SP140L: variants seen among roughly 807,000 people sequenced by gnomAD.
SP140L encodes SP140 like nuclear body protein.
In SP140L, 64 loss-of-function variants were observed where a neutral mutation model predicts 84.3. The observed-to-expected ratio is 0.76, with a 90% CI of 0.62 to 0.94. SP140L has a LOEUF of 0.94. Ranked by LOEUF, SP140L falls within the 40% of genes least tolerant of loss-of-function variation. The pLI is 0.00. For missense variants in SP140L, 628 were observed against 692.5 expected (o/e 0.91, Z 1.05); for synonymous variants, 242 against 236.9 (o/e 1.02, Z -0.20).
intron 2 of SP140L, among the ~76,000 whole-genome samples, chr2:230,342,459 C>G (rs930963237): frequency 6.6e-6 from 1 of 152,236 alleles, no homozygotes; most frequent in Non-Finnish European, 1.5e-5. Flanking sequence ...TCTTCTGCGT[C>G]GCTCACGCTG....
At chr2:230,385,570 G>T (rs1416298738) in intron 9 of SP140L, among the ~76,000 whole-genome samples, 2 of 152,082 alleles carry the variant, frequency 1.3e-5, no homozygotes, top group African/African-American at 4.8e-5. Flanking sequence ...TAAATCATTG[G>T]CTAATTAAAA....
In SP140L at chr2:230,357,948, T is replaced by C; in HGVS notation, c.251T>C (p.Ile84Thr). The C allele has an allele frequency of 6.2e-7, 1 of 1,613,334 alleles. No homozygotes were observed. The highest frequency in any genetic ancestry group is 1.1e-5 in the South Asian group (1 of 90,990). The change falls in exon 3 of 19, where the codon ATC becomes ACC. Residue 84 changes from isoleucine to threonine, a missense_variant. Physicochemically the swap from Ile to Thr is moderately conservative, Grantham distance 89. Coordinates refer to ENST00000415673, the MANE Select transcript of SP140L (RefSeq NM_138402.6). ...GAGGGCCTCCGCGATCGGGAACTCA[T>C]CACAAATAAAATGTTTGAAGTAAGT... ...FLEGLRDREL[I>T]TNKMFEDSED...
At chr2:230,340,811 ATATTG>A (rs1446225504) in intron 2 of SP140L, among the ~76,000 whole-genome samples, 3 of 138,362 alleles carry the variant, frequency 2.2e-5, no homozygotes, top group African/African-American at 8.2e-5. Context: ...AGAATGTTGA[ATATTG>A]GCCCCCACTC....
chr2:230,368,695 A>G (rs1391806516), intron 5 of SP140L, among the ~76,000 whole-genome samples: 1 of 152,022 alleles, frequency 6.6e-6, no homozygotes, highest in Non-Finnish European at 1.5e-5. Flanking sequence ...AACCTGTCTG[A>G]GTTCAAATTC....
chr2:230,376,308 GTC>G (rs1224356188), intron 7 of SP140L, among the ~76,000 whole-genome samples: 1 of 152,134 alleles, frequency 6.6e-6, no homozygotes, highest in Non-Finnish European at 1.5e-5. Flanking sequence ...AAGTTAAAAT[GTC>G]TCTGTTTCCA....
chr2:230,373,006 C>T (rs1341576088), intron 7 of SP140L, among the ~76,000 whole-genome samples: 1 of 152,156 alleles, frequency 6.6e-6, no homozygotes, highest in Non-Finnish European at 1.5e-5. Flanking sequence ...AAATCAGCCA[C>T]AACATTCCCT....
intron 2 of SP140L, among the ~76,000 whole-genome samples, chr2:230,339,630 T>C (rs2059978045): frequency 2.1e-5 from 3 of 143,840 alleles, no homozygotes; most frequent in Admixed American, 6.9e-5. Context: ...CTTGTGGGCA[T>C]TTAGTGCTAT....
intron 14 of SP140L, among the ~76,000 whole-genome samples, chr2:230,398,733 G>A (rs1559464194): frequency 6.6e-6 from 1 of 152,228 alleles, no homozygotes; most frequent in African/African-American, 2.4e-5. Flanking sequence ...AAATATAAAA[G>A]TAGAAGTAGC....
intron 7 of SP140L, chr2:230,372,050 G>A (rs2061093297): frequency 4.8e-6 from 1 of 208,040 alleles, no homozygotes; most frequent in African/African-American, 2.4e-5. Context: ...GAATGTGGAT[G>A]ACCTCTAGAA....
intron 2 of SP140L, among the ~76,000 whole-genome samples, chr2:230,334,814 G>A (rs1279780629): frequency 6.6e-6 from 1 of 152,104 alleles, no homozygotes; most frequent in African/African-American, 2.4e-5. Flanking sequence ...ACCAATGTCT[G>A]TGTGTAGGTG....
At chr2:230,383,645 G>A (rs1260343220) in intron 8 of SP140L, 70 bp downstream of exon 8, 46 of 1,476,134 alleles carry the variant, frequency 3.1e-5, no homozygotes, top group Non-Finnish European at 4.0e-5. Context: ...ATTCTGGAAG[G>A]CCTGCAGTTC....
chr2:230,392,341 A>T (rs1169951810), intron 12 of SP140L, 112 bp downstream of exon 12: 1 of 1,513,650 alleles, frequency 6.6e-7, no homozygotes, highest in Non-Finnish European at 8.9e-7. Context: ...CCTTGATGCC[A>T]GTGAGTTTAT....
chr2:230,353,984 A>G (rs545950556), intron 2 of SP140L, among the ~76,000 whole-genome samples: 5 of 152,230 alleles, frequency 3.3e-5, no homozygotes, highest in African/African-American at 1.2e-4. Context: ...TATCATTTTC[A>G]TACTTGAAAC....
chr2:230,355,375 A>C (rs1010959950), intron 2 of SP140L, among the ~76,000 whole-genome samples: 2 of 152,206 alleles, frequency 1.3e-5, no homozygotes, highest in Non-Finnish European at 2.9e-5. Context: ...AACTAGAAAT[A>C]AATTTAATGA....
chr2:230,383,386 A>G, intron 7 of SP140L, 124 bp from the exon 8 acceptor site: 1 of 931,042 alleles, frequency 1.1e-6, no homozygotes, highest in Non-Finnish European at 1.6e-6. Context: ...CACTGATCAT[A>G]AAGAATTTTG....
intron 8 of SP140L, among the ~76,000 whole-genome samples, chr2:230,384,683 C>A (rs529819958): frequency 6.6e-6 from 1 of 152,038 alleles, no homozygotes; most frequent in Non-Finnish European, 1.5e-5. Context: ...GAGGCTGAGG[C>A]GGATGGATCA....
intron 5 of SP140L, among the ~76,000 whole-genome samples, chr2:230,369,442 T>C (rs941518745): frequency 1.3e-5 from 2 of 152,222 alleles, no homozygotes; most frequent in Non-Finnish European, 2.9e-5. Context: ...GATTCAGGAT[T>C]CAGCCTGGGT....
chr2:230,359,235 G>A, intron 4 of SP140L, 103 bp downstream of exon 4: 1 of 1,014,932 alleles, frequency 9.9e-7, no homozygotes, highest in East Asian at 2.5e-5. Flanking sequence ...TTGGGCAGTG[G>A]GCATAGAGTA....
intron 2 of SP140L, among the ~76,000 whole-genome samples, chr2:230,343,066 TTTTA>T (rs1465806836): frequency 6.6e-6 from 1 of 152,064 alleles, no homozygotes; most frequent in Non-Finnish European, 1.5e-5. Context: ...TTTTGTTTTC[TTTTA>T]TTTGTCTTTC....
Sources: allele counts gnomAD v4.1 joint callset (sites outside exome capture counted in the v4.1 genomes callset), GRCh38; gene constraint gnomAD v4.1.1; transcripts MANE v1.5; gene names NCBI Gene and HGNC (gene_info 2026-07-23, HGNC 2026-07-21).